The following GOLGA1 variants were observed in gnomAD, a reference collection of about 807,000 sequenced individuals.
The protein encoded by GOLGA1 is golgin subfamily A member 1.
In GOLGA1, 63 loss-of-function variants were observed where a neutral mutation model predicts 119.7. That is an observed-to-expected ratio of 0.53 (90% CI 0.43 to 0.65). GOLGA1 has a LOEUF of 0.65. Ranked by LOEUF, GOLGA1 falls within the 30% of genes least tolerant of loss-of-function variation. The probability of loss-of-function intolerance (pLI) is 0.00; values close to 1 mark genes in which losing one functional copy is unlikely to be tolerated. For missense variants in GOLGA1, 798 were observed against 912.8 expected, an observed-to-expected ratio of 0.87 and a Z score of 1.62; for synonymous variants, 318 against 333.4, an observed-to-expected ratio of 0.95 and a Z score of 0.50.
At chr9:124,908,688 TA>T in intron 11 of GOLGA1, among the ~76,000 whole-genome samples, 1 of 152,252 alleles carries the variant, frequency 6.6e-6, no homozygotes, top group African/African-American at 2.4e-5. Context: ...AAAAGACTAA[TA>T]AAAAATTACA....
Position 124,889,549 on chromosome 9 carries a change from A to T in GOLGA1, c.1498-13T>A. On this transcript the variant is annotated splice_polypyrimidine_tract_variant and intron_variant, in intron 16 of 22. Transcript: ENST00000373555. ...TCAGGTTAGCTGCCTTGGAGAGAAA[A>T]ATCAACAAGAGGGAAGGTTGTGAGC... The T allele has an allele frequency of 1.9e-6, 3 of 1,548,486 alleles. No individual in the cohort carries two copies. The highest frequency in any genetic ancestry group is 1.1e-5 in the South Asian group (1 of 89,704).
chr9:124,922,842 T>A (rs776284026), intron 8 of GOLGA1, among the ~76,000 whole-genome samples: 2 of 150,660 alleles, frequency 1.3e-5, no homozygotes, highest in Non-Finnish European at 3.0e-5. Flanking sequence ...ATAAGAGAAT[T>A]TATATACCCA....
At chr9:124,906,633 TC>T (rs1318913234) in intron 12 of GOLGA1, among the ~76,000 whole-genome samples, 16 of 151,834 alleles carry the variant, frequency 1.1e-4, no homozygotes, top group Admixed American at 9.9e-4. Context: ...ACACCTGTAA[TC>T]CCAGCTACTC....
At position 124,879,177 on chromosome 9, in the gene GOLGA1, G is replaced by A. The variant is rs776293646; in HGVS notation, c.*1353C>T. Reference sequence around the variant, plus strand: ...TGAGAAATACAACTTTCCATCACTGGATAATGGATAATAAATTTAGAGGCT... The same window carrying A: ...TGAGAAATACAACTTTCCATCACTGAATAATGGATAATAAATTTAGAGGCT... On this transcript the variant is annotated 3_prime_UTR_variant, in exon 23 of 23. Transcript: ENST00000373555. 3 of 152,164 alleles carry A rather than the reference G, an allele frequency of 2.0e-5. No individual in the cohort carries two copies. The highest frequency in any genetic ancestry group is 4.4e-5 in the Non-Finnish European group (3 of 68,032). 9.4% of individuals were successfully genotyped at this position (152,164 alleles called of 1,614,324 possible). A position where few individuals can be genotyped will look rare whatever the true frequency, so the allele number is the denominator to read the frequency against.
At chr9:124,918,104 G>A (rs992380958) in intron 10 of GOLGA1, among the ~76,000 whole-genome samples, 1 of 151,982 alleles carries the variant, frequency 6.6e-6, no homozygotes, top group Non-Finnish European at 1.5e-5. Flanking sequence ...CACCTGCCTC[G>A]GCCTCCCAAA....
chr9:124,905,202 C>A (rs1315604344), intron 12 of GOLGA1, among the ~76,000 whole-genome samples: 2 of 151,464 alleles, frequency 1.3e-5, no homozygotes, highest in African/African-American at 4.8e-5. Flanking sequence ...ATATATGGTG[C>A]TGTATTCCCA....
chr9:124,892,032 G>GTGTGAGCCACTGTGCCCAACTTTATTT (rs1829867659), intron 15 of GOLGA1, among the ~76,000 whole-genome samples: 1 of 151,700 alleles, frequency 6.6e-6, no homozygotes, highest in Non-Finnish European at 1.5e-5. Flanking sequence ...TCAGCTCACT[G>GTGTGAGCCACTGTGCCCAACTTTATTT]CAATCTCTGA....
At chr9:124,923,253 G>A (rs781496750) in intron 7 of GOLGA1, 30 bp from the exon 8 acceptor site, 1 of 1,533,734 alleles carries the variant, frequency 6.5e-7, no homozygotes, top group Admixed American at 2.0e-5. Flanking sequence ...ATCAACTCAG[G>A]CAACGAAAGC....
intron 12 of GOLGA1, among the ~76,000 whole-genome samples, chr9:124,905,198 G>A (rs1830201526): frequency 6.6e-6 from 1 of 150,938 alleles, no homozygotes; most frequent in Non-Finnish European, 1.5e-5. Flanking sequence ...ATAAATATAT[G>A]GTGCTGTATT....
intron 15 of GOLGA1, among the ~76,000 whole-genome samples, chr9:124,891,043 C>T (rs1426185399): frequency 6.6e-6 from 1 of 152,170 alleles, no homozygotes; most frequent in East Asian, 1.9e-4. Context: ...GTAGTGCCAG[C>T]TACTCAGGAG....
At chr9:124,914,094 T>C (rs1439522648) in intron 10 of GOLGA1, among the ~76,000 whole-genome samples, 3 of 152,208 alleles carry the variant, frequency 2.0e-5, no homozygotes, top group Admixed American at 6.5e-5. Context: ...GTTTTGGCCA[T>C]GTTGACCCAT....
chr9:124,880,713 C>T, intron 22 of GOLGA1, 103 bp from the exon 23 acceptor site: 1 of 738,482 alleles, frequency 1.4e-6, no homozygotes, highest in East Asian at 2.7e-5. Context: ...TCCTGCCCCC[C>T]ACACATCCTG....
intron 10 of GOLGA1, among the ~76,000 whole-genome samples, chr9:124,920,009 C>T (rs1187263631): frequency 6.6e-6 from 1 of 151,912 alleles, no homozygotes; most frequent in East Asian, 1.9e-4. Flanking sequence ...AGGCAGGCTG[C>T]AGCGCAGTGG....
intron 15 of GOLGA1, among the ~76,000 whole-genome samples, chr9:124,892,143 T>C (rs908310851): frequency 6.6e-6 from 1 of 152,176 alleles, no homozygotes; most frequent in African/African-American, 2.4e-5. Context: ...TTAGTAGAGA[T>C]GGACTTTCAC....
At chr9:124,914,280 G>A (rs1830396013) in intron 10 of GOLGA1, among the ~76,000 whole-genome samples, 1 of 152,290 alleles carries the variant, frequency 6.6e-6, no homozygotes, top group Admixed American at 6.5e-5. Flanking sequence ...GGCAGATCAC[G>A]AGGTCAGGAG....
intron 7 of GOLGA1, among the ~76,000 whole-genome samples, chr9:124,924,249 G>A (rs1028906158): frequency 4.6e-5 from 7 of 151,904 alleles, no homozygotes; most frequent in Non-Finnish European, 1.0e-4. Context: ...TTAAATGCAC[G>A]TAGATTAAAA....
In GOLGA1 at chr9:124,887,043, A is replaced by G. The variant is rs576701824; in HGVS notation, c.1905+1210T>C. Reference sequence around the variant, plus strand: ...GCAGGGAAGAGTTGGGTTTAGCCCAAGTTTAACCAGAGCTTGGCTAGGACA... The same window carrying G: ...GCAGGGAAGAGTTGGGTTTAGCCCAGGTTTAACCAGAGCTTGGCTAGGACA... On this transcript the variant is annotated intron_variant, in intron 19 of 22. Coordinates refer to ENST00000373555, the MANE Select transcript of GOLGA1 (RefSeq NM_002077.4). Among the ~76,000 whole-genome samples, 111 of 152,298 alleles carry G rather than the reference A, an allele frequency of 7.3e-4. 1 individual carries two copies. The highest frequency in any genetic ancestry group is 1.4e-3 in the Non-Finnish European group (98 of 68,012).
chr9:124,908,372 A>T lies in GOLGA1; in HGVS notation c.1065+5T>A. ...CTTAGGAAACACCAGGAGTAAGGTC[A>T]GTACCCGAGTCTCCAGGGTGTTAAT... On this transcript the variant is annotated splice_donor_5th_base_variant and intron_variant, in intron 12 of 22. Coordinates refer to ENST00000373555, the MANE Select transcript of GOLGA1 (RefSeq NM_002077.4). 1 of 1,514,368 alleles carries T rather than the reference A, an allele frequency of 6.6e-7. No homozygotes were observed. Among genetic ancestry groups the T allele is most frequent in the Non-Finnish European group, 9.2e-7 (1 of 1,088,842 alleles). 93.8% of individuals were successfully genotyped at this position (1,514,368 alleles called of 1,614,324 possible). A position where few individuals can be genotyped will look rare whatever the true frequency, so the allele number is the denominator to read the frequency against.
chr9:124,895,882 A>C (rs1033601445), intron 15 of GOLGA1, among the ~76,000 whole-genome samples: 5 of 148,842 alleles, frequency 3.4e-5, no homozygotes, highest in African/African-American at 1.3e-4. Flanking sequence ...AGACCCACCC[A>C]CAACAGAGAC....
Sources: allele counts gnomAD v4.1 joint callset (sites outside exome capture counted in the v4.1 genomes callset), GRCh38; gene constraint gnomAD v4.1.1; transcripts MANE v1.5; gene names NCBI Gene and HGNC (gene_info 2026-07-23, HGNC 2026-07-21).